The following ROCK2 variants were observed in gnomAD, a reference collection of about 807,000 sequenced individuals.
ROCK2 encodes the protein Rho associated coiled-coil containing protein kinase 2.
In ROCK2, 61 loss-of-function variants were observed where a neutral mutation model predicts 195.1. The observed-to-expected ratio is 0.31, with a 90% CI of 0.25 to 0.39. The LOEUF is 0.39. Among genes scored for constraint, ROCK2 ranks in the 10% least tolerant of loss-of-function variants. The pLI is 1.00. For missense variants in ROCK2, 1,109 were observed against 1,637.4 expected (o/e 0.68, Z 5.57); for synonymous variants, 504 against 545.5 (o/e 0.92, Z 1.06).
intron 23 of ROCK2, among the ~76,000 whole-genome samples, chr2:11,199,620 C>G (rs1164839265): frequency 6.6e-6 from 1 of 152,044 alleles, no homozygotes; most frequent in Non-Finnish European, 1.5e-5. Flanking sequence ...CATGAGCCAC[C>G]ATGCCAGGCT....
intron 1 of ROCK2, among the ~76,000 whole-genome samples, chr2:11,312,044 A>G (rs1572394414): frequency 1.3e-5 from 2 of 152,228 alleles, no homozygotes; most frequent in Non-Finnish European, 2.9e-5. Flanking sequence ...GTTTCATACT[A>G]AAGTCAGACA....
chr2:11,287,786 T>C, intron 1 of ROCK2, 50 bp from the exon 2 acceptor site: 3 of 769,962 alleles, frequency 3.9e-6, no homozygotes, highest in Non-Finnish European at 5.9e-6. Context: ...TTTCCAAGCA[T>C]TCATTTAAAA....
chr2:11,211,907 A>AT, intron 17 of ROCK2, 67 bp from the exon 18 acceptor site: 1 of 1,277,044 alleles, frequency 7.8e-7, no homozygotes, highest in Admixed American at 2.7e-5. Context: ...AAAGCTTTCT[A>AT]ATTTTTTTTT....
chr2:11,195,228 CA>C (rs1208718769), intron 27 of ROCK2: 4 of 313,040 alleles, frequency 1.3e-5, no homozygotes, highest in Non-Finnish European at 2.3e-5. Context: ...CAGGTTATAT[CA>C]TATTGGAAAC....
At chr2:11,303,216 C>T (rs1189106849) in intron 1 of ROCK2, among the ~76,000 whole-genome samples, 1 of 152,186 alleles carries the variant, frequency 6.6e-6, no homozygotes, top group Non-Finnish European at 1.5e-5. Flanking sequence ...TTCCTAACTC[C>T]TACACATTAC....
rs965392252 is a variant in ROCK2 at position 11,219,014 on chromosome 2, G to C, written c.1272C>G (p.Asp424Glu). ...TYYRENLLLS[D>E]SPSCRETDSI... ...AATCAGTTTCTCTACAAGATGGAGA[G>C]TCACTTAATAATCTACATGGAAGGG... The change falls in exon 10 of 33, where the codon GAC (aspartate) becomes GAG (glutamate). Residue 424 changes from aspartate to glutamate, a missense_variant. Physicochemically the swap from Asp to Glu is conservative, Grantham distance 45 (BLOSUM62 2). Transcript: ENST00000315872. 1 of 1,468,890 alleles carries C rather than the reference G, an allele frequency of 6.8e-7. No homozygotes were observed. Among genetic ancestry groups the C allele is most frequent in the South Asian group, 1.3e-5 (1 of 78,614 alleles). 91.0% of individuals were successfully genotyped at this position (1,468,890 alleles called of 1,614,324 possible).
Position 11,197,795 on chromosome 2 carries a change from CA to C in ROCK2, c.3100-91del. On this transcript the variant is annotated intron_variant, in intron 25 of 32. Transcript: ENST00000315872. This position sits in a 1 kb window ranked among gnomAD's most constrained non-coding sequence, Gnocchi z 4.9. The stretch of plus-strand genomic sequence containing the variant: ...ATCTCATCAAGAGCAACAAGTTATA[CA>C]ATCACAAATACTCTCCTTCCCTACA... 1.2e-6 allele frequency: 1 copy of C among 829,318 alleles called. No individual in the cohort carries two copies. The highest frequency in any genetic ancestry group is 1.7e-6 in the Non-Finnish European group (1 of 590,966). The allele number at this position is 829,318 out of a possible 1,614,324, so 51.4% of individuals were successfully genotyped here.
intron 3 of ROCK2, among the ~76,000 whole-genome samples, chr2:11,263,674 A>C (rs7595317): frequency 0.057 from 8,234 of 144,096 alleles, 543 homozygotes; most frequent in African/African-American, 0.17. Context: ...CACACACACA[A>C]AAAAAAACAA....
At chr2:11,230,987 C>T (rs186561196) in intron 5 of ROCK2, among the ~76,000 whole-genome samples, 5 of 152,082 alleles carry the variant, frequency 3.3e-5, no homozygotes, top group Admixed American at 6.5e-5. Flanking sequence ...GGCCATAATA[C>T]ATCAAATACA....
chr2:11,190,196 A>T (rs767229658), intron 32 of ROCK2, among the ~76,000 whole-genome samples: 61 of 152,030 alleles, frequency 4.0e-4, no homozygotes, highest in Non-Finnish European at 6.8e-4. Flanking sequence ...TATTAAATGA[A>T]TTTTTTCACA....
At position 11,197,864 on chromosome 2, in the gene ROCK2, A is replaced by G. The variant is rs754372214; in HGVS notation, c.3100-159T>C. Among the ~76,000 whole-genome samples the G allele has an allele frequency of 1.3e-5, 2 of 152,158 alleles. No homozygotes were observed. Among genetic ancestry groups the G allele is most frequent in the Non-Finnish European group, 2.9e-5 (2 of 68,040 alleles). Reference sequence around the variant, plus strand: ...ACACTTTCTATAATATTTAAATAATACACCTCCTTTACTACTCATCATCCT... The same window carrying G: ...ACACTTTCTATAATATTTAAATAATGCACCTCCTTTACTACTCATCATCCT... On this transcript the variant is annotated intron_variant, in intron 25 of 32. Coordinates refer to ENST00000315872, the MANE Select transcript of ROCK2 (RefSeq NM_004850.5). The surrounding 1 kb of genome is among the most constrained non-coding windows in gnomAD (Gnocchi z 4.9).
intron 17 of ROCK2, among the ~76,000 whole-genome samples, chr2:11,213,133 T>G (rs1340143700): frequency 6.6e-6 from 1 of 152,208 alleles, no homozygotes; most frequent in African/African-American, 2.4e-5. Context: ...TTTTCCAACC[T>G]TTTAATGGCT....
At chr2:11,187,078 A>G (rs1392125732) in intron 32 of ROCK2, among the ~76,000 whole-genome samples, 2 of 152,206 alleles carry the variant, frequency 1.3e-5, no homozygotes, top group Non-Finnish European at 2.9e-5. Flanking sequence ...GCAGTCCACA[A>G]AAGTACCCAT....
At chr2:11,248,399 A>T (rs1665697820) in intron 4 of ROCK2, among the ~76,000 whole-genome samples, 2 of 152,066 alleles carry the variant, frequency 1.3e-5, no homozygotes, top group Non-Finnish European at 2.9e-5. Context: ...AAAGCTAGTG[A>T]AGAAATATAA....
intron 32 of ROCK2, among the ~76,000 whole-genome samples, chr2:11,185,769 AAT>A (rs1491508242): frequency 1.4e-4 from 17 of 123,428 alleles, no homozygotes; most frequent in African/African-American, 3.8e-4. Flanking sequence ...ATAAATAAAT[AAT>A]AAAAAAAAGC....
At chr2:11,285,003 C>T (rs1667134794) in intron 3 of ROCK2, among the ~76,000 whole-genome samples, 1 of 152,198 alleles carries the variant, frequency 6.6e-6, no homozygotes, top group Admixed American at 6.5e-5. Context: ...TGGCTCACGC[C>T]TGTAATCCCA....
intron 5 of ROCK2, among the ~76,000 whole-genome samples, chr2:11,228,311 G>A (rs531014638): frequency 7.1e-4 from 108 of 152,192 alleles, no homozygotes; most frequent in Admixed American, 2.2e-3. Flanking sequence ...CTTGAGAAAA[G>A]GAGGTTGAAC....
chr2:11,208,497 A>G, intron 18 of ROCK2, 50 bp from the exon 19 acceptor site: 4 of 1,140,060 alleles, frequency 3.5e-6, no homozygotes, highest in South Asian at 2.4e-5. Context: ...TAAAAGAAGC[A>G]TATCATAAAT....
At chr2:11,308,396 GA>G (rs894305466) in intron 1 of ROCK2, 1 of 1,577,244 alleles carries the variant, frequency 6.3e-7, no homozygotes, top group Non-Finnish European at 8.7e-7. Flanking sequence ...ACCTGGTGAA[GA>G]AGAGAATTTG....
Sources: allele counts gnomAD v4.1 joint callset (sites outside exome capture counted in the v4.1 genomes callset), GRCh38; gene constraint gnomAD v4.1.1; non-coding constraint Gnocchi (gnomAD v3.1); transcripts MANE v1.5; gene names NCBI Gene and HGNC (gene_info 2026-07-23, HGNC 2026-07-21).